The following LRPPRC variants were observed in gnomAD, a reference collection of about 807,000 sequenced individuals.
LRPPRC encodes leucine rich pentatricopeptide repeat containing.
LRPPRC carries 120 observed loss-of-function variants against 180.3 expected under a neutral mutation model. That is an observed-to-expected ratio of 0.67 (90% CI 0.57 to 0.77). LRPPRC has a LOEUF of 0.77. LRPPRC is among the 30% of genes least tolerant of loss of function. LRPPRC has a pLI of 0.00. For missense variants in LRPPRC, 2,012 were observed against 1,657.2 expected (o/e 1.21, Z -3.72); for synonymous variants, 723 against 600.0 (o/e 1.21, Z -3.00).
chr2:43,938,680 G>A (rs1049370966), intron 23 of LRPPRC, among the ~76,000 whole-genome samples: 2 of 152,104 alleles, frequency 1.3e-5, no homozygotes, highest in African/African-American at 4.8e-5. Context: ...ATGCTATAAC[G>A]TCACTGACAG....
chr2:43,983,275 C>G (rs1051084467), intron 1 of LRPPRC, among the ~76,000 whole-genome samples: 1 of 151,918 alleles, frequency 6.6e-6, no homozygotes, highest in African/African-American at 2.4e-5. Flanking sequence ...AACATGAAAT[C>G]TGAGGGCTTC....
At chr2:43,943,349 C>T (rs955916998) in intron 23 of LRPPRC, among the ~76,000 whole-genome samples, 3 of 152,018 alleles carry the variant, frequency 2.0e-5, no homozygotes, top group African/African-American at 7.2e-5. Flanking sequence ...GAATAACTGT[C>T]AAGACACATA....
At chr2:43,995,686 T>C (rs1173486837) in intron 1 of LRPPRC, 113 bp downstream of exon 1, 9 of 1,070,246 alleles carry the variant, frequency 8.4e-6, no homozygotes, top group Non-Finnish European at 1.1e-5. Context: ...GGCTAGGTCC[T>C]GGGGCGGGGA....
intron 36 of LRPPRC, 44 bp from the exon 37 acceptor site, chr2:43,889,920 C>G: frequency 2.1e-6 from 3 of 1,450,954 alleles, no homozygotes; most frequent in Non-Finnish European, 2.9e-6. Context: ...TAAAGACAAC[C>G]TATCTTACTC....
intron 1 of LRPPRC, among the ~76,000 whole-genome samples, chr2:43,990,782 C>G (rs6752515): frequency 2.0e-5 from 3 of 151,446 alleles, no homozygotes; most frequent in African/African-American, 2.4e-5. Flanking sequence ...GATAAATCTA[C>G]ACTCACAGAG....
rs138845281 is a variant in LRPPRC at position 43,907,518 on chromosome 2, A to T, written c.3276-1738T>A. Reference sequence around the variant, plus strand: ...TCCTGTGATGATGGGAATATCATCCAATCATCCAATAACCCTATTGGCTGT... The same window carrying T: ...TCCTGTGATGATGGGAATATCATCCTATCATCCAATAACCCTATTGGCTGT... On this transcript the variant is annotated intron_variant, in intron 30 of 37. Coordinates refer to ENST00000260665, the MANE Select transcript of LRPPRC (RefSeq NM_133259.4). Among the ~76,000 whole-genome samples the T allele has an allele frequency of 3.1e-3, 475 of 152,292 alleles. 3 individuals are homozygous for T. The highest frequency in any genetic ancestry group is 9.7e-3 in the African/African-American group (403 of 41,572).
intron 29 of LRPPRC, among the ~76,000 whole-genome samples, chr2:43,915,232 TCACACACACACACACACACACACACACA>T (rs375631611): frequency 1.9e-5 from 1 of 51,838 alleles, no homozygotes; most frequent in African/African-American, 8.6e-5. Flanking sequence ...TCTCTCTCTC[TCACACACACACACACACACACACACACA>T]CACACACACA....
intron 27 of LRPPRC, among the ~76,000 whole-genome samples, chr2:43,918,973 T>C (rs1671595477): frequency 6.6e-6 from 1 of 152,014 alleles, no homozygotes; most frequent in Non-Finnish European, 1.5e-5. Flanking sequence ...GGTATACATA[T>C]ATCTATGATC....
rs973216195 is a variant in LRPPRC, at chr2:43,975,071, T to G, written c.864+20A>C. 1 of 1,610,130 alleles carries G rather than the reference T, an allele frequency of 6.2e-7. No individual in the cohort carries two copies. Among genetic ancestry groups the G allele is most frequent in the African/African-American group, 1.3e-5 (1 of 74,940 alleles). On this transcript the variant is annotated intron_variant, in intron 7 of 37. Transcript: ENST00000260665. ...TTTACAAATGATTTTAAAGTATGTTTATTTAGACATAAGTCATACCTGCTT... is the reference window on the plus strand; with the variant it reads ...TTTACAAATGATTTTAAAGTATGTTGATTTAGACATAAGTCATACCTGCTT...
At chr2:43,905,091 G>A (rs1258400900) in intron 31 of LRPPRC, among the ~76,000 whole-genome samples, 2 of 152,116 alleles carry the variant, frequency 1.3e-5, no homozygotes, top group Admixed American at 1.3e-4. Flanking sequence ...TCTTTCAGGT[G>A]TCATTCTCTT....
At chr2:43,980,316 G>C (rs1325125544) in intron 2 of LRPPRC, among the ~76,000 whole-genome samples, 3 of 152,158 alleles carry the variant, frequency 2.0e-5, no homozygotes, top group East Asian at 3.8e-4. Context: ...TACTTTGGGA[G>C]GTTGAGGCAG....
rs761131483 is a variant in LRPPRC, at chr2:43,918,384, A to T, written c.2911T>A (p.Trp971Arg). 2.5e-5 allele frequency: 41 copies of T among 1,610,010 alleles called. No individual in the cohort carries two copies. Among genetic ancestry groups the T allele is most frequent in the Admixed American group, 3.3e-5 (2 of 60,002 alleles). ...TTCCAGACTGCATCAGCTCTTTGCCAGTCACCGTTTATTTCTGTAGAATTT... is the reference window on the plus strand; with the variant it reads ...TTCCAGACTGCATCAGCTCTTTGCCTGTCACCGTTTATTTCTGTAGAATTT... ...LLKLYKINGD[W>R]QRADAVWNKI... Residue 971 changes from tryptophan to arginine, a missense_variant, in exon 28 of 38, where the codon TGG becomes AGG. Transcript: ENST00000260665.
intron 25 of LRPPRC, among the ~76,000 whole-genome samples, chr2:43,929,728 T>C (rs574886493): frequency 3.7e-4 from 57 of 152,302 alleles, no homozygotes; most frequent in African/African-American, 1.3e-3. Flanking sequence ...CTATTAAGTC[T>C]TTTAGCATTT....
At chr2:43,975,310 G>T in intron 6 of LRPPRC, 93 bp from the exon 7 acceptor site, 3 of 1,032,374 alleles carry the variant, frequency 2.9e-6, no homozygotes, top group Non-Finnish European at 4.4e-6. Context: ...AATAAAAAAT[G>T]CTAAGTACCA....
chr2:43,938,874 AC>A (rs1342690768), intron 23 of LRPPRC, among the ~76,000 whole-genome samples: 1 of 149,604 alleles, frequency 6.7e-6, no homozygotes, highest in Non-Finnish European at 1.5e-5. Context: ...AATTGTTAAA[AC>A]AACCACGAGT....
rs143020683 is a variant in LRPPRC, at chr2:43,973,779, T to A, written c.1261+16A>T. The A allele has an allele frequency of 1.9e-6, 3 of 1,607,650 alleles. No individual in the cohort carries two copies. In the East Asian group the frequency reaches 6.7e-5, roughly 36 times the overall value. On this transcript the variant is annotated intron_variant, in intron 10 of 37. Transcript: ENST00000260665. ...CAAAACTTCCTTACTTGGCTTTAACTTTAAGAATGTAGTACCAGTTTTATT... is the reference window on the plus strand; with the variant it reads ...CAAAACTTCCTTACTTGGCTTTAACATTAAGAATGTAGTACCAGTTTTATT...
chr2:43,988,851 C>CT (rs1426554370), intron 1 of LRPPRC, among the ~76,000 whole-genome samples: 1 of 152,066 alleles, frequency 6.6e-6, no homozygotes, highest in Non-Finnish European at 1.5e-5. Context: ...CCAAATGCCT[C>CT]TGAGTTTTTA....
intron 25 of LRPPRC, among the ~76,000 whole-genome samples, chr2:43,930,750 A>C (rs1024316494): frequency 7.9e-5 from 12 of 152,184 alleles, no homozygotes; most frequent in Non-Finnish European, 1.8e-4. Context: ...TAATGTTGTT[A>C]TGTCTTTAAG....
At chr2:43,912,404 G>C (rs370643118) in intron 30 of LRPPRC, 28 bp downstream of exon 30, 1 of 1,594,854 alleles carries the variant, frequency 6.3e-7, no homozygotes, top group African/African-American at 1.3e-5. Context: ...TTTTAAACAA[G>C]AGGTTTAATA....
Sources: allele counts gnomAD v4.1 joint callset (sites outside exome capture counted in the v4.1 genomes callset), GRCh38; gene constraint gnomAD v4.1.1; transcripts MANE v1.5; gene names NCBI Gene and HGNC (gene_info 2026-07-23, HGNC 2026-07-21).